EFNA5: variants seen among roughly 807,000 people sequenced by gnomAD.
EFNA5 encodes the protein ephrin A5, also known as ephrin-A5.
In EFNA5, 5 loss-of-function variants were observed where a neutral mutation model predicts 22.9. The observed-to-expected ratio is 0.22, with a 90% confidence interval of 0.11 to 0.46. The LOEUF (loss-of-function observed/expected upper bound fraction) is 0.46, where lower values mean the gene tolerates loss of function less well. Ranked by LOEUF, EFNA5 falls within the 20% of genes least tolerant of loss-of-function variation. The probability of loss-of-function intolerance (pLI) is 0.99; values close to 1 mark genes in which losing one functional copy is unlikely to be tolerated. For missense variants in EFNA5, 237 were observed against 293.3 expected (o/e 0.81, Z 1.40); for synonymous variants, 113 against 112.2 (o/e 1.01, Z -0.04).
At chr5:107,448,204 G>A (rs779936330) in intron 1 of EFNA5, among the ~76,000 whole-genome samples, 3 of 152,162 alleles carry the variant, frequency 2.0e-5, no homozygotes, top group Admixed American at 1.3e-4. Context: ...GAGAAAGCTC[G>A]AAGTAGTAAG....
chr5:107,495,145 C>A (rs1395860529), intron 1 of EFNA5, among the ~76,000 whole-genome samples: 2 of 152,166 alleles, frequency 1.3e-5, no homozygotes, highest in African/African-American at 4.8e-5. Flanking sequence ...AAGCTTTGTT[C>A]TTTCGCTCTT....
At chr5:107,446,802 C>CACT (rs1749412299) in intron 1 of EFNA5, among the ~76,000 whole-genome samples, 1 of 152,016 alleles carries the variant, frequency 6.6e-6, no homozygotes, top group South Asian at 2.1e-4. Flanking sequence ...GGGAAGAAGA[C>CACT]ACTGACTTTC....
chr5:107,505,202 A>G (rs1454621403), intron 1 of EFNA5, among the ~76,000 whole-genome samples: 1 of 152,226 alleles, frequency 6.6e-6, no homozygotes, highest in Non-Finnish European at 1.5e-5. Context: ...AGCAGTAGGC[A>G]TTGCATAACT....
intron 1 of EFNA5, among the ~76,000 whole-genome samples, chr5:107,450,000 T>C (rs1749515565): frequency 6.6e-6 from 1 of 152,232 alleles, no homozygotes; most frequent in African/African-American, 2.4e-5. Context: ...AATGTTTTTG[T>C]TGTTTTGCAT....
chr5:107,504,039 T>A (rs1747197383), intron 1 of EFNA5, among the ~76,000 whole-genome samples: 1 of 152,182 alleles, frequency 6.6e-6, no homozygotes, highest in Admixed American at 6.5e-5. Context: ...TATACATCAA[T>A]CAGTCTAACA....
intron 1 of EFNA5, among the ~76,000 whole-genome samples, chr5:107,631,049 T>G (rs1750238680): frequency 6.6e-6 from 1 of 152,126 alleles, no homozygotes; most frequent in East Asian, 1.9e-4. Flanking sequence ...CTGGAATACC[T>G]TCTCAAGGAC....
At chr5:107,651,090 C>T (rs1015188926) in intron 1 of EFNA5, among the ~76,000 whole-genome samples, 1 of 152,158 alleles carries the variant, frequency 6.6e-6, no homozygotes, top group African/African-American at 2.4e-5. Context: ...GGAAATTCTG[C>T]CCCAAGGTCA....
At chr5:107,466,833 G>A (rs17449339) in intron 1 of EFNA5, among the ~76,000 whole-genome samples, 17,440 of 152,178 alleles carry the variant, frequency 0.11, 1,095 homozygotes, top group African/African-American at 0.16. Context: ...AATGTTGTGG[G>A]AAGTGTGATA....
chr5:107,430,594 A>T (rs988883595), intron 1 of EFNA5, among the ~76,000 whole-genome samples: 3 of 151,904 alleles, frequency 2.0e-5, no homozygotes, highest in African/African-American at 7.3e-5. Flanking sequence ...CCTAACTCTT[A>T]CCCCTGTTAA....
intron 1 of EFNA5, among the ~76,000 whole-genome samples, chr5:107,564,484 T>C (rs1449516101): frequency 1.3e-5 from 2 of 152,210 alleles, no homozygotes; most frequent in Non-Finnish European, 2.9e-5. Context: ...GTGTCTGTTA[T>C]TAGGATGTAA....
chr5:107,560,554 C>A lies in EFNA5; in HGVS notation c.125+109935G>T, dbSNP rs79581360. 4.6e-3 allele frequency among the ~76,000 whole-genome samples: 703 copies of A among 152,318 alleles called. 2 individuals carry two copies. The highest frequency in any genetic ancestry group is 0.016 in the African/African-American group (655 of 41,586). On this transcript the variant is annotated intron_variant, in intron 1 of 4. Transcript: ENST00000333274. ...GTCATCTCCCCCGTGCCGCTGTGAA[C>A]TGTGCTCATACTTTAGCTGGCCACA... is the stretch of plus-strand genomic sequence containing the variant.
chr5:107,384,483 T>A (rs148662082), intron 4 of EFNA5, among the ~76,000 whole-genome samples: 1 of 152,164 alleles, frequency 6.6e-6, no homozygotes, highest in East Asian at 1.9e-4. Flanking sequence ...ATCGCTGAGA[T>A]CATGCAGTGG....
intron 1 of EFNA5, among the ~76,000 whole-genome samples, chr5:107,585,368 A>C (rs764025168): frequency 6.6e-6 from 1 of 152,162 alleles, no homozygotes; most frequent in Non-Finnish European, 1.5e-5. Context: ...TTATACCCTA[A>C]ATTTCTTTCC....
chr5:107,485,653 T>G (rs26235), intron 1 of EFNA5, among the ~76,000 whole-genome samples: 13 of 152,074 alleles, frequency 8.5e-5, no homozygotes, highest in Non-Finnish European at 1.6e-4. Flanking sequence ...CTTTATGCTA[T>G]GGGGAACTAA....
chr5:107,392,729 G>A (rs143204983), intron 2 of EFNA5, among the ~76,000 whole-genome samples: 3 of 152,328 alleles, frequency 2.0e-5, no homozygotes, highest in Non-Finnish European at 4.4e-5. Flanking sequence ...GCTGACTTCG[G>A]ACTGAAGGAC....
chr5:107,622,435 AT>A (rs1750055416), intron 1 of EFNA5, among the ~76,000 whole-genome samples: 1 of 152,248 alleles, frequency 6.6e-6, no homozygotes, highest in Non-Finnish European at 1.5e-5. Flanking sequence ...GTGAACAAAA[AT>A]ATGAAGCTAT....
intron 2 of EFNA5, among the ~76,000 whole-genome samples, chr5:107,399,414 GGA>G (rs371664667): frequency 6.7e-6 from 1 of 148,954 alleles, no homozygotes; most frequent in African/African-American, 2.5e-5. Context: ...AAGGAAGGAA[GGA>G]GAGAGAGAGA....
intron 1 of EFNA5, among the ~76,000 whole-genome samples, chr5:107,514,184 G>GA (rs1356293841): frequency 1.3e-5 from 2 of 152,152 alleles, no homozygotes; most frequent in African/African-American, 4.8e-5. Context: ...ACCAAGTTAT[G>GA]AAGCATCCCT....
chr5:107,540,699 A>G lies in EFNA5; in HGVS notation c.126-113190T>C, dbSNP rs184494341. ...ACTTATCAAAAGCATTATTCAATAT[A>G]CTTATACTTTAAAGATCTTAAAAAT... On this transcript the variant is annotated intron_variant, in intron 1 of 4. Coordinates refer to ENST00000333274, the MANE Select transcript of EFNA5 (RefSeq NM_001962.3). Among the ~76,000 whole-genome samples the G allele has an allele frequency of 3.1e-3, 468 of 152,338 alleles. 1 individual carries two copies. Among genetic ancestry groups the G allele is most frequent in the African/African-American group, 0.011 (446 of 41,576 alleles).
Sources: allele counts gnomAD v4.1 joint callset (sites outside exome capture counted in the v4.1 genomes callset), GRCh38; gene constraint gnomAD v4.1.1; transcripts MANE v1.5; gene names NCBI Gene and HGNC (gene_info 2026-07-23, HGNC 2026-07-21).